TOM1L2: variants seen among roughly 807,000 people sequenced by gnomAD.
The protein encoded by TOM1L2 is TOM1-like protein 2.
TOM1L2 carries 31 observed loss-of-function variants against 67.9 expected under a neutral mutation model. That is an observed-to-expected ratio of 0.46 (90% CI 0.34 to 0.62). The LOEUF is 0.62. Ranked by LOEUF, TOM1L2 falls within the 20% of genes least tolerant of loss-of-function variation. The pLI, the probability that TOM1L2 is intolerant of heterozygous loss-of-function variation, is 0.01. For synonymous variants in TOM1L2, 256 were observed against 254.0 expected (o/e 1.01, Z -0.07); for missense variants, 606 against 663.5 (o/e 0.91, Z 0.95).
chr17:17,902,069 A>C (rs1025574190), intron 2 of TOM1L2, among the ~76,000 whole-genome samples: 6 of 152,194 alleles, frequency 3.9e-5, no homozygotes, highest in Non-Finnish European at 5.9e-5. Flanking sequence ...CCAGCTACTC[A>C]GGAGGCTGAG....
chr17:17,932,197 T>C (rs1017875320), intron 1 of TOM1L2, among the ~76,000 whole-genome samples: 2 of 152,196 alleles, frequency 1.3e-5, no homozygotes, highest in African/African-American at 4.8e-5. Flanking sequence ...CCCTAGAAAA[T>C]CTATGGAAAA....
At chr17:17,913,281 G>A (rs998168963) in intron 1 of TOM1L2, among the ~76,000 whole-genome samples, 1 of 147,546 alleles carries the variant, frequency 6.8e-6, no homozygotes, top group African/African-American at 2.6e-5. Flanking sequence ...GGGAGAGGGA[G>A]AGCTGGATTT....
At chr17:17,882,641 T>A (rs1470830351) in intron 6 of TOM1L2, 64 bp downstream of exon 6, 1 of 1,588,312 alleles carries the variant, frequency 6.3e-7, no homozygotes, top group South Asian at 1.1e-5. Context: ...TTTGTAAGTG[T>A]CTCCCAGAAA....
intron 1 of TOM1L2, among the ~76,000 whole-genome samples, chr17:17,912,798 G>A (rs2039448482): frequency 6.6e-6 from 1 of 152,138 alleles, no homozygotes; most frequent in South Asian, 2.1e-4. Flanking sequence ...GCCGGGCAGA[G>A]GCTGCAATCT....
intron 1 of TOM1L2, among the ~76,000 whole-genome samples, chr17:17,957,925 C>G (rs922649098): frequency 5.3e-5 from 8 of 151,748 alleles, no homozygotes; most frequent in Non-Finnish European, 1.0e-4. Flanking sequence ...CCCGTCTCTA[C>G]TAAAAATACA....
intron 1 of TOM1L2, among the ~76,000 whole-genome samples, chr17:17,942,832 C>T (rs974790342): frequency 3.9e-5 from 6 of 152,152 alleles, no homozygotes; most frequent in African/African-American, 4.8e-5. Flanking sequence ...GCTTTAGTCG[C>T]GACAGCCCTG....
At chr17:17,962,247 G>A (rs1212268452) in intron 1 of TOM1L2, among the ~76,000 whole-genome samples, 1 of 152,044 alleles carries the variant, frequency 6.6e-6, no homozygotes, top group East Asian at 1.9e-4. Flanking sequence ...GCTGGGGGGA[G>A]GAGGGAACAG....
At chr17:17,945,903 G>GCTC in intron 1 of TOM1L2, among the ~76,000 whole-genome samples, 1 of 152,066 alleles carries the variant, frequency 6.6e-6, no homozygotes, top group Admixed American at 6.5e-5. Flanking sequence ...CAAGGTCTCA[G>GCTC]TGTCACCCAG....
intron 8 of TOM1L2, 99 bp downstream of exon 8, chr17:17,869,241 T>A: frequency 4.5e-6 from 7 of 1,562,482 alleles, no homozygotes; most frequent in Admixed American, 1.9e-5. Context: ...CTAATCTCTC[T>A]CCCTCTCCCT....
chr17:17,950,617 A>G (rs2041161553), intron 1 of TOM1L2, among the ~76,000 whole-genome samples: 3 of 152,194 alleles, frequency 2.0e-5, no homozygotes, highest in African/African-American at 7.2e-5. Flanking sequence ...AGCCTTAGGC[A>G]GACAACAGGA....
intron 1 of TOM1L2, among the ~76,000 whole-genome samples, chr17:17,919,196 A>G (rs557963542): frequency 7.2e-5 from 11 of 152,340 alleles, no homozygotes; most frequent in African/African-American, 2.6e-4. Flanking sequence ...ACTCTCTCAC[A>G]CAGTGGCTGT....
chr17:17,905,540 C>T (rs1315731417), intron 2 of TOM1L2, among the ~76,000 whole-genome samples: 1 of 152,164 alleles, frequency 6.6e-6, no homozygotes, highest in Non-Finnish European at 1.5e-5. Flanking sequence ...GGTTTTCTTT[C>T]TTCTTTTTTC....
intron 12 of TOM1L2, among the ~76,000 whole-genome samples, chr17:17,852,735 T>C (rs1039618798): frequency 6.6e-6 from 1 of 151,742 alleles, no homozygotes; most frequent in Non-Finnish European, 1.5e-5. Context: ...TGTGGTGGTA[T>C]GCGCCTGTAG....
intron 12 of TOM1L2, among the ~76,000 whole-genome samples, chr17:17,853,347 G>A (rs1253120011): frequency 6.6e-6 from 1 of 152,204 alleles, no homozygotes; most frequent in Non-Finnish European, 1.5e-5. Flanking sequence ...GCTTTCCAAT[G>A]TGTTGCAAAA....
intron 9 of TOM1L2, 57 bp from the exon 10 acceptor site, chr17:17,866,476 T>C (rs2036856627): frequency 1.3e-6 from 2 of 1,512,636 alleles, no homozygotes; most frequent in Non-Finnish European, 1.8e-6. Context: ...GGCTCTGAGG[T>C]AGAAGCTGGC....
At chr17:17,946,465 A>G (rs867204987) in intron 1 of TOM1L2, among the ~76,000 whole-genome samples, 1 of 152,156 alleles carries the variant, frequency 6.6e-6, no homozygotes, top group African/African-American at 2.4e-5. Flanking sequence ...ATCATACAAT[A>G]TATAGCTGTT....
intron 1 of TOM1L2, among the ~76,000 whole-genome samples, chr17:17,939,443 T>C (rs1378582927): frequency 6.6e-6 from 1 of 152,246 alleles, no homozygotes; most frequent in African/African-American, 2.4e-5. Context: ...GATAGGAAAT[T>C]ACATTTTAAA....
At chr17:17,937,356 C>T (rs2144752296) in intron 1 of TOM1L2, among the ~76,000 whole-genome samples, 1 of 152,288 alleles carries the variant, frequency 6.6e-6, no homozygotes, top group East Asian at 1.9e-4. Context: ...AAATGGTAGC[C>T]TGTGTGCCAA....
chr17:17,873,216 A>G (rs372780272), intron 7 of TOM1L2, among the ~76,000 whole-genome samples: 5 of 152,192 alleles, frequency 3.3e-5, no homozygotes, highest in African/African-American at 9.7e-5. Flanking sequence ...TTTCAAACAT[A>G]CAGCAAAACA....
Sources: allele counts gnomAD v4.1 joint callset (sites outside exome capture counted in the v4.1 genomes callset), GRCh38; gene constraint gnomAD v4.1.1; transcripts MANE v1.5; gene names NCBI Gene and HGNC (gene_info 2026-07-23, HGNC 2026-07-21).